DNER: variants seen among roughly 807,000 people sequenced by gnomAD.
DNER encodes delta/notch like EGF repeat containing, also known as delta and Notch-like epidermal growth factor-related receptor.
DNER carries 33 observed loss-of-function variants against 78.2 expected under a neutral mutation model. That is an observed-to-expected ratio of 0.42 (90% CI 0.32 to 0.56). DNER has a LOEUF of 0.56. DNER is among the 20% of genes least tolerant of loss of function. DNER has a pLI of 0.11. For missense variants in DNER, 918 were observed against 975.3 expected, an observed-to-expected ratio of 0.94 and a Z score of 0.78; for synonymous variants, 417 against 384.8, an observed-to-expected ratio of 1.08 and a Z score of -0.98.
intron 6 of DNER, among the ~76,000 whole-genome samples, chr2:229,496,771 T>C (rs1007671630): frequency 2.6e-5 from 4 of 152,260 alleles, no homozygotes; most frequent in Admixed American, 6.5e-5. Flanking sequence ...TATAAATATA[T>C]ATGTGCCCAA....
chr2:229,458,589 T>C lies in DNER; in HGVS notation c.1262-11049A>G, dbSNP rs549571936. Among the ~76,000 whole-genome samples, 4 of 151,836 alleles carry C rather than the reference T, an allele frequency of 2.6e-5. No homozygotes were observed. In the East Asian group the frequency reaches 7.7e-4, roughly 29 times the overall value. Reference sequence around the variant, plus strand: ...ATCATTTTTAAGAAGAAAGAAAAACTCTCAGCAAACTAAAATAGAAGGTAA... The same window carrying C: ...ATCATTTTTAAGAAGAAAGAAAAACCCTCAGCAAACTAAAATAGAAGGTAA... On this transcript the variant is annotated intron_variant, in intron 7 of 12. Transcript: ENST00000341772.
At chr2:229,495,529 A>G (rs1050243770) in intron 6 of DNER, among the ~76,000 whole-genome samples, 1 of 152,196 alleles carries the variant, frequency 6.6e-6, no homozygotes, top group African/African-American at 2.4e-5. Context: ...GAAGGCAAGA[A>G]AAGACCAATG....
chr2:229,450,879 C>T (rs771401375), intron 7 of DNER, among the ~76,000 whole-genome samples: 11 of 152,162 alleles, frequency 7.2e-5, no homozygotes, highest in Non-Finnish European at 1.3e-4. Context: ...AACCTGTAGT[C>T]CTTGGTCACA....
chr2:229,424,630 G>A (rs1321344141), intron 8 of DNER, among the ~76,000 whole-genome samples: 1 of 152,034 alleles, frequency 6.6e-6, no homozygotes, highest in East Asian at 1.9e-4. Flanking sequence ...GGACACCGGT[G>A]CTATTGTATT....
At chr2:229,688,867 T>C (rs116613978) in intron 1 of DNER, among the ~76,000 whole-genome samples, 3,679 of 152,272 alleles carry the variant, frequency 0.024, 62 homozygotes, top group Middle Eastern at 0.061. Context: ...GAAGCCGTCA[T>C]CCTGAGCAAA....
intron 6 of DNER, among the ~76,000 whole-genome samples, chr2:229,506,849 G>A (rs531548484): frequency 6.6e-6 from 1 of 152,264 alleles, no homozygotes; most frequent in Admixed American, 6.5e-5. Context: ...TGGTCCTGAT[G>A]TCAACTGAAA....
At chr2:229,387,492 A>G (rs1305610711) in intron 11 of DNER, among the ~76,000 whole-genome samples, 2 of 112,686 alleles carry the variant, frequency 1.8e-5, no homozygotes, top group Non-Finnish European at 3.9e-5. Context: ...AAAAAGAAAG[A>G]AAGAAAGAAA....
At chr2:229,516,518 T>C (rs1411454571) in intron 5 of DNER, among the ~76,000 whole-genome samples, 2 of 152,198 alleles carry the variant, frequency 1.3e-5, no homozygotes, top group Non-Finnish European at 2.9e-5. Flanking sequence ...CACGGAAATG[T>C]ACTTTTCAAG....
chr2:229,417,605 C>A (rs1332828876), intron 9 of DNER, among the ~76,000 whole-genome samples: 1 of 151,888 alleles, frequency 6.6e-6, no homozygotes, highest in Non-Finnish European at 1.5e-5. Context: ...GTGAGCTATG[C>A]ACATTAGGGG....
chr2:229,398,109 T>G (rs1329667739), intron 10 of DNER, among the ~76,000 whole-genome samples: 1 of 152,014 alleles, frequency 6.6e-6, no homozygotes, highest in East Asian at 1.9e-4. Flanking sequence ...ATTAACAAAA[T>G]TGACAAAACT....
At chr2:229,364,804 T>C (rs1692305145) in intron 12 of DNER, among the ~76,000 whole-genome samples, 1 of 151,768 alleles carries the variant, frequency 6.6e-6, no homozygotes, top group African/African-American at 2.4e-5. Flanking sequence ...TCTATGCCAT[T>C]CAGATAGAAT....
At chr2:229,480,209 T>C (rs1357624685) in intron 6 of DNER, among the ~76,000 whole-genome samples, 4 of 152,258 alleles carry the variant, frequency 2.6e-5, no homozygotes, top group African/African-American at 7.2e-5. Flanking sequence ...CATGTGTCCA[T>C]CACCCAGCTC....
chr2:229,640,621 C>G (rs1213676117), intron 1 of DNER, among the ~76,000 whole-genome samples: 1 of 152,216 alleles, frequency 6.6e-6, no homozygotes, highest in Non-Finnish European at 1.5e-5. Flanking sequence ...AGAAGGATAT[C>G]AAAACATGTT....
At chr2:229,379,602 T>C (rs1264364991) in intron 11 of DNER, among the ~76,000 whole-genome samples, 2 of 152,216 alleles carry the variant, frequency 1.3e-5, no homozygotes, top group African/African-American at 4.8e-5. Context: ...ATATTTATCT[T>C]CATGAATCCC....
At chr2:229,628,946 T>G (rs575479056) in intron 1 of DNER, among the ~76,000 whole-genome samples, 2 of 152,334 alleles carry the variant, frequency 1.3e-5, no homozygotes, top group Admixed American at 1.3e-4. Context: ...TCTTAACATG[T>G]GTTTAAAAAT....
Position 229,690,411 on chromosome 2 carries a change from T to C in DNER, c.276+23737A>G, listed in dbSNP as rs993598064. Among the ~76,000 whole-genome samples, 10 of 152,254 alleles carry C rather than the reference T, an allele frequency of 6.6e-5. No homozygotes were observed. In the South Asian group the frequency reaches 1.0e-3, roughly 16 times the overall value. On this transcript the variant is annotated intron_variant, in intron 1 of 12. Transcript: ENST00000341772. ...GCTTTGGAAAAGTCACTTAACCTTC[T>C]TGAGCATGTTTTCCCGTCTAGTTAG...
chr2:229,627,562 A>C (rs1698366004), intron 1 of DNER, among the ~76,000 whole-genome samples: 1 of 152,240 alleles, frequency 6.6e-6, no homozygotes, highest in African/African-American at 2.4e-5. Context: ...GAACAAAACC[A>C]AGGAAGGAAA....
At chr2:229,402,681 G>A (rs911168892) in intron 10 of DNER, among the ~76,000 whole-genome samples, 2 of 152,106 alleles carry the variant, frequency 1.3e-5, no homozygotes, top group African/African-American at 4.8e-5. Flanking sequence ...GTTGAAGTAC[G>A]GTTACCTTAT....
At chr2:229,374,256 A>T (rs1014762756) in intron 11 of DNER, among the ~76,000 whole-genome samples, 2 of 151,924 alleles carry the variant, frequency 1.3e-5, no homozygotes, top group Non-Finnish European at 2.9e-5. Context: ...AAGGAAAGGA[A>T]GGGGGGAAAT....
Sources: gnomAD v4.1 joint callset for allele counts (sites outside exome capture counted in the v4.1 genomes callset) on GRCh38, gnomAD v4.1.1 for gene constraint, MANE v1.5 for transcripts, NCBI Gene and HGNC (gene_info 2026-07-23, HGNC 2026-07-21) for gene names.